RNPC3: variants seen among roughly 807,000 people sequenced by gnomAD.
RNPC3 encodes RNA binding region (RNP1, RRM) containing 3, also known as RNA-binding region-containing protein 3.
RNPC3 carries 48 observed loss-of-function variants against 67.5 expected under a neutral mutation model. The observed-to-expected ratio is 0.71, with a 90% CI of 0.56 to 0.90. The LOEUF is 0.90. Among genes scored for constraint, RNPC3 ranks in the 40% least tolerant of loss-of-function variants. The probability of loss-of-function intolerance (pLI) is 0.00; values close to 1 mark genes in which losing one functional copy is unlikely to be tolerated. For synonymous variants in RNPC3, 239 were observed against 210.3 expected (o/e 1.14, Z -1.18); for missense variants, 637 against 626.1 (o/e 1.02, Z -0.19).
intron 7 of RNPC3, among the ~76,000 whole-genome samples, chr1:103,540,215 T>G (rs1651092216): frequency 6.6e-6 from 1 of 152,222 alleles, no homozygotes; most frequent in Admixed American, 6.5e-5. Flanking sequence ...TTATTTCATG[T>G]ACAAAATTAT....
chr1:103,546,162 C>T (rs1349929240), intron 10 of RNPC3, 86 bp from the exon 11 acceptor site: 1 of 542,882 alleles, frequency 1.8e-6, no homozygotes, highest in Non-Finnish European at 2.9e-6. Context: ...GTCTATTTAA[C>T]AATTAGGTTT....
intron 2 of RNPC3, among the ~76,000 whole-genome samples, chr1:103,529,940 C>T (rs1261385341): frequency 6.6e-6 from 1 of 152,138 alleles, no homozygotes; most frequent in Non-Finnish European, 1.5e-5. Flanking sequence ...ATCAGCAGTG[C>T]CTTGGCCCCT....
chr1:103,541,429 A>C lies in RNPC3; in HGVS notation c.847A>C (p.Arg283=). Reference sequence around the variant, plus strand: ...AAAGCAGCGCCATGTGAGAAAAAAGAGAAAAATAAAGGATATGTTGAATAC... The same window carrying C: ...AAAGCAGCGCCATGTGAGAAAAAAGCGAAAAATAAAGGATATGTTGAATAC... ...TIKQRHVRKK[R]KIKDMLNTPL... The change falls in exon 8 of 15, where the codon AGA becomes CGA. Residue 283 remains arginine (R), a synonymous_variant. Transcript: ENST00000423855. 4 of 1,493,608 alleles carry C rather than the reference A, an allele frequency of 2.7e-6. No individual in the cohort carries two copies. The highest frequency in any genetic ancestry group is 3.5e-6 in the Non-Finnish European group (4 of 1,132,964). The allele number at this position is 1,493,608 out of a possible 1,614,324, so 92.5% of individuals were successfully genotyped here.
intron 12 of RNPC3, 132 bp from the exon 13 acceptor site, chr1:103,550,808 AC>A: frequency 2.5e-6 from 2 of 800,900 alleles, no homozygotes; most frequent in Non-Finnish European, 4.0e-6. Context: ...TTTTTAGAAA[AC>A]TGAATAATTG....
At chr1:103,539,410 G>A (rs1651066701) in intron 7 of RNPC3, among the ~76,000 whole-genome samples, 1 of 152,216 alleles carries the variant, frequency 6.6e-6, no homozygotes, top group African/African-American at 2.4e-5. Flanking sequence ...TACACTATCT[G>A]TCTTAAAAAG....
intron 7 of RNPC3, among the ~76,000 whole-genome samples, chr1:103,538,489 G>C (rs1259342216): frequency 6.6e-6 from 1 of 152,168 alleles, no homozygotes; most frequent in Admixed American, 6.5e-5. Context: ...TATTGACTGT[G>C]AGTCAATGTT....
rs978321555 is a variant in RNPC3 at position 103,533,786 on chromosome 1, C to T, written c.288C>T (p.Val96=). Residue 96 remains valine (V), a synonymous_variant, in exon 3 of 15, where the codon GTC becomes GTT. Coordinates refer to ENST00000423855, the MANE Select transcript of RNPC3 (RefSeq NM_017619.4). ...HQLKLLGHTL[V]VEFAKEQDRV... ...TGAAACTTTTAGGTCATACTTTAGTCGTTGAATTTGCAAAAGAGCAAGATC... is the reference window on the plus strand; with the variant it reads ...TGAAACTTTTAGGTCATACTTTAGTTGTTGAATTTGCAAAAGAGCAAGATC... 58 of 1,533,690 alleles carry T rather than the reference C, an allele frequency of 3.8e-5. No individual in the cohort carries two copies. The highest frequency in any genetic ancestry group is 1.7e-4 in the Middle Eastern group (1 of 5,904).
At chr1:103,546,534 C>G (rs1026726391) in intron 11 of RNPC3, 192 bp downstream of exon 11, 1 of 373,586 alleles carries the variant, frequency 2.7e-6, no homozygotes, top group Non-Finnish European at 4.7e-6. Context: ...CTTGGGTTCT[C>G]TGGCAGTAAA....
intron 10 of RNPC3, 67 bp downstream of exon 10, chr1:103,545,169 C>T: frequency 1.6e-6 from 2 of 1,274,096 alleles, no homozygotes; most frequent in Middle Eastern, 1.9e-4. Context: ...AGAAACAAAA[C>T]AAATCTGTCA....
At chr1:103,533,175 A>G (rs1446069710) in intron 2 of RNPC3, among the ~76,000 whole-genome samples, 2 of 152,066 alleles carry the variant, frequency 1.3e-5, no homozygotes, top group Non-Finnish European at 2.9e-5. Flanking sequence ...GATAGTTAAT[A>G]GATGATAACA....
chr1:103,543,216 T>G, intron 8 of RNPC3, 80 bp from the exon 9 acceptor site: 1 of 1,093,872 alleles, frequency 9.1e-7, no homozygotes, highest in East Asian at 3.0e-5. Context: ...ACTTTTAAAA[T>G]TTAAAATAAA....
intron 8 of RNPC3, among the ~76,000 whole-genome samples, chr1:103,542,286 G>A (rs1651141158): frequency 6.6e-6 from 1 of 151,970 alleles, no homozygotes; most frequent in Admixed American, 6.5e-5. Flanking sequence ...AAGGAGGGGA[G>A]ACAAAAATTA....
chr1:103,537,834 TTTA>T (rs911693249), intron 7 of RNPC3, among the ~76,000 whole-genome samples: 12 of 151,584 alleles, frequency 7.9e-5, no homozygotes, highest in South Asian at 4.2e-4. Flanking sequence ...GTGCTTTTTA[TTTA>T]TTATTATTAT....
intron 9 of RNPC3, among the ~76,000 whole-genome samples, chr1:103,544,390 T>C (rs565809057): frequency 1.3e-5 from 2 of 152,044 alleles, no homozygotes; most frequent in East Asian, 3.9e-4. Context: ...TAGCTTACTA[T>C]GTCAAAGCAT....
chr1:103,534,871 T>C lies in RNPC3; in HGVS notation c.443+14T>C. On this transcript the variant is annotated intron_variant, in intron 4 of 14. Coordinates refer to ENST00000423855, the MANE Select transcript of RNPC3 (RefSeq NM_017619.4). ...ACCAAACCATGGGTTAGCATTTTTG[T>C]TTGCTTTTCTTTTGCTTTTGTTCTG... The C allele has an allele frequency of 6.8e-7, 1 of 1,479,490 alleles. No homozygotes were observed. Among genetic ancestry groups the C allele is most frequent in the Non-Finnish European group, 9.1e-7 (1 of 1,101,752 alleles). The allele number at this position is 1,479,490 out of a possible 1,614,324, so 91.6% of individuals were successfully genotyped here.
At position 103,527,695 on chromosome 1, in the gene RNPC3, A is replaced by C; in HGVS notation, c.193A>C (p.Lys65Gln). ...VRVLSDKGRL[K>Q]HTAFATFPNE... Reference sequence around the variant, plus strand: ...AATTTGTACCTTAACTCTGTTTCAGAAACATACAGCTTTTGCCACATTCCC... The same window carrying C: ...AATTTGTACCTTAACTCTGTTTCAGCAACATACAGCTTTTGCCACATTCCC... Residue 65 changes from lysine to glutamine, a missense_variant and splice_region_variant, in exon 2 of 15, where the codon AAA becomes CAA. Around this residue, in one of 3 missense-constraint regions of RNPC3, gnomAD observed 536 missense variants for 500.3 expected, o/e 1.07. Transcript: ENST00000423855. 6.5e-7 allele frequency: 1 copy of C among 1,547,516 alleles called. No homozygotes were observed.
At chr1:103,531,819 GC>G (rs2101043103) in intron 2 of RNPC3, among the ~76,000 whole-genome samples, 1 of 152,154 alleles carries the variant, frequency 6.6e-6, no homozygotes, top group East Asian at 1.9e-4. Context: ...CTGTGCAGAA[GC>G]TTTTTAGTTT....
At chr1:103,533,562 A>C (rs1325926975) in intron 2 of RNPC3, among the ~76,000 whole-genome samples, 177 bp from the exon 3 acceptor site, 1 of 151,986 alleles carries the variant, frequency 6.6e-6, no homozygotes, top group Non-Finnish European at 1.5e-5. Context: ...AAGTTATAGG[A>C]AGTAGTCCTT....
chr1:103,548,389 G>A (rs759868836), intron 12 of RNPC3, among the ~76,000 whole-genome samples: 2 of 152,036 alleles, frequency 1.3e-5, no homozygotes, highest in Non-Finnish European at 2.9e-5. Flanking sequence ...GATTTCTTCC[G>A]ACAGATACCC....
Sources: gnomAD v4.1 joint callset for allele counts (sites outside exome capture counted in the v4.1 genomes callset) on GRCh38, gnomAD v4.1.1 for gene constraint, gnomAD v4.1.1 regional missense constraint, MANE v1.5 for transcripts, NCBI Gene and HGNC (gene_info 2026-07-23, HGNC 2026-07-21) for gene names.